Variants in AMOTL1 observed in about 807,000 individuals in gnomAD.
AMOTL1 encodes angiomotin like 1.
AMOTL1 carries 45 observed loss-of-function variants against 102.9 expected under a neutral mutation model. The ratio of observed to expected loss-of-function variants is 0.44; its 90% CI spans 0.34 to 0.56. The LOEUF (loss-of-function observed/expected upper bound fraction) is 0.56. AMOTL1 is among the 20% of genes least tolerant of loss of function. The pLI, the probability that AMOTL1 is intolerant of heterozygous loss-of-function variation, is 0.01. For missense variants in AMOTL1, 1,114 were observed against 1,225.6 expected, an observed-to-expected ratio of 0.91 and a Z score of 1.36; for synonymous variants, 481 against 484.7, an observed-to-expected ratio of 0.99 and a Z score of 0.10.
chr11:94,782,156 C>T (rs1951123967), intron 1 of AMOTL1, among the ~76,000 whole-genome samples: 1 of 152,156 alleles, frequency 6.6e-6, no homozygotes, highest in Non-Finnish European at 1.5e-5. Context: ...CTCATGGAAT[C>T]CATATTTACT....
At chr11:94,774,055 C>G (rs984916497) in intron 1 of AMOTL1, among the ~76,000 whole-genome samples, 2 of 152,190 alleles carry the variant, frequency 1.3e-5, no homozygotes, top group African/African-American at 4.8e-5. Flanking sequence ...GCAATGCGCA[C>G]AATGCTGGGC....
intron 1 of AMOTL1, among the ~76,000 whole-genome samples, chr11:94,785,458 C>A: frequency 6.6e-6 from 1 of 152,142 alleles, no homozygotes; most frequent in East Asian, 1.9e-4. Context: ...CATCCTGGCA[C>A]TAATAAGCAC....
chr11:94,796,874 A>C lies in AMOTL1; in HGVS notation c.199+1714A>C, dbSNP rs1477667934. ...CTTCTAATGGCATATGTCTATTTACATACACATATAGATGTATTAATATAC... is the reference window on the plus strand; with the variant it reads ...CTTCTAATGGCATATGTCTATTTACCTACACATATAGATGTATTAATATAC... On this transcript the variant is annotated intron_variant, in intron 2 of 12. Transcript: ENST00000433060. The C allele has an allele frequency of 1.2e-5, 6 of 496,924 alleles. No homozygotes were observed. The South Asian group carries it at 3.5e-4, about 29-fold the overall frequency. The allele number at this position is 496,924 out of a possible 1,614,324, so 30.8% of individuals were successfully genotyped here. A position where few individuals can be genotyped will look rare whatever the true frequency, so the allele number is the denominator to read the frequency against.
At chr11:94,865,606 C>T (rs1325660453) in intron 10 of AMOTL1, among the ~76,000 whole-genome samples, 1 of 152,060 alleles carries the variant, frequency 6.6e-6, no homozygotes, top group Non-Finnish European at 1.5e-5. Context: ...TTTATGCTTC[C>T]CTATCCCCTA....
chr11:94,754,450 A>G (rs1950696691), intron 3 of AMOTL1, among the ~76,000 whole-genome samples: 1 of 152,212 alleles, frequency 6.6e-6, no homozygotes, highest in African/African-American at 2.4e-5. Flanking sequence ...GAACGCTCCG[A>G]AGTGGGACTG....
intron 3 of AMOTL1, among the ~76,000 whole-genome samples, chr11:94,818,484 AT>A (rs1951804954): frequency 6.6e-6 from 1 of 152,214 alleles, no homozygotes; most frequent in Non-Finnish European, 1.5e-5. Flanking sequence ...AACAGCCTAT[AT>A]GGCAAATAAT....
rs1243169973 is a variant in AMOTL1, at chr11:94,873,443, T to A, written c.*2648T>A. The A allele has an allele frequency of 6.6e-6, 1 of 152,228 alleles. No individual in the cohort carries two copies. Among genetic ancestry groups the A allele is most frequent in the African/African-American group, 2.4e-5 (1 of 41,448 alleles). The allele number at this position is 152,228 out of a possible 1,614,324, so 9.4% of individuals were successfully genotyped here. A position where few individuals can be genotyped will look rare whatever the true frequency, so the allele number is the denominator to read the frequency against. On this transcript the variant is annotated 3_prime_UTR_variant, in exon 13 of 13. Transcript: ENST00000433060. ...GTACCTGCTCTGAGTTCTGGGCAGC[T>A]TACAATATCTTAAACAGATTTTCAG...
At chr11:94,767,899 G>C (rs192565871), upstream of AMOTL1, among the ~76,000 whole-genome samples, 9 of 152,304 alleles carry the variant, frequency 5.9e-5, no homozygotes, top group African/African-American at 1.9e-4. Context: ...CCAATCTCAA[G>C]TGCGTGATGG....
At chr11:94,730,850 G>C (rs1202570376) in intron 2 of AMOTL1, among the ~76,000 whole-genome samples, 1 of 152,134 alleles carries the variant, frequency 6.6e-6, no homozygotes, top group East Asian at 1.9e-4. Context: ...ATGACCCTAG[G>C]CTTGTTACCA....
At chr11:94,849,670 A>C in intron 6 of AMOTL1, among the ~76,000 whole-genome samples, 1 of 152,214 alleles carries the variant, frequency 6.6e-6, no homozygotes, top group Non-Finnish European at 1.5e-5. Flanking sequence ...CCTCAGGCAA[A>C]GAGCTTACCT....
intron 3 of AMOTL1, among the ~76,000 whole-genome samples, chr11:94,751,711 A>G (rs1950656720): frequency 6.6e-6 from 1 of 152,054 alleles, no homozygotes; most frequent in African/African-American, 2.4e-5. Context: ...AAAAAAAAAA[A>G]AAAGATCAAG....
intron 3 of AMOTL1, among the ~76,000 whole-genome samples, chr11:94,804,725 A>G (rs181356553): frequency 7.4e-6 from 1 of 135,064 alleles, no homozygotes; most frequent in East Asian, 1.9e-4. Flanking sequence ...CCTAAGACTT[A>G]TATATTATAA....
upstream of AMOTL1, among the ~76,000 whole-genome samples, chr11:94,763,397 A>T (rs1038981859): frequency 6.6e-6 from 1 of 152,206 alleles, no homozygotes; most frequent in Non-Finnish European, 1.5e-5. Flanking sequence ...CAGAGGAGGC[A>T]TGTGCTGTGT....
chr11:94,746,762 T>G (rs1950594131), intron 3 of AMOTL1, among the ~76,000 whole-genome samples: 1 of 148,160 alleles, frequency 6.7e-6, no homozygotes, highest in Non-Finnish European at 1.5e-5. Context: ...TGTTATTGTG[T>G]TTTTTTGTTT....
chr11:94,758,839 A>G (rs2135498877), intron 3 of AMOTL1, among the ~76,000 whole-genome samples: 1 of 152,318 alleles, frequency 6.6e-6, no homozygotes, highest in African/African-American at 2.4e-5. Context: ...AGCAAAGCCC[A>G]GTATGTACAA....
intron 2 of AMOTL1, among the ~76,000 whole-genome samples, chr11:94,729,357 C>T (rs1319093771): frequency 6.6e-6 from 1 of 152,060 alleles, no homozygotes; most frequent in African/African-American, 2.4e-5. Flanking sequence ...GAGCTCTTGC[C>T]CTGGCCAGGT....
chr11:94,800,953 T>C (rs1951466663), intron 3 of AMOTL1, among the ~76,000 whole-genome samples: 1 of 152,168 alleles, frequency 6.6e-6, no homozygotes, highest in Admixed American at 6.5e-5. Flanking sequence ...ACCTACTGAG[T>C]GTATGCTGTA....
At chr11:94,707,244 C>CTGTGTGTGTGTG (rs1224329236) in intron 1 of AMOTL1, among the ~76,000 whole-genome samples, 41 of 55,466 alleles carry the variant, frequency 7.4e-4, no homozygotes, top group Middle Eastern at 0.014. Context: ...CTCTCTCTCT[C>CTGTGTGTGTGTG]TCTCTCTGTG....
chr11:94,733,830 C>A (rs958146965), intron 2 of AMOTL1, among the ~76,000 whole-genome samples: 2 of 152,144 alleles, frequency 1.3e-5, no homozygotes, highest in African/African-American at 2.4e-5. Flanking sequence ...CTGCAGGGAC[C>A]TTTTCTTGTA....
Sources: gnomAD v4.1 joint callset for allele counts (sites outside exome capture counted in the v4.1 genomes callset) on GRCh38, gnomAD v4.1.1 for gene constraint, MANE v1.5 for transcripts, NCBI Gene and HGNC (gene_info 2026-07-23, HGNC 2026-07-21) for gene names.